Variants in TRAPPC10 observed in about 807,000 individuals in gnomAD.
TRAPPC10 encodes TRAPP 130 kDa subunit.
TRAPPC10 carries 23 observed loss-of-function variants against 125.5 expected under a neutral mutation model. The observed-to-expected ratio is 0.18, with a 90% CI of 0.13 to 0.26. The LOEUF (loss-of-function observed/expected upper bound fraction) is 0.26, where lower values mean the gene tolerates loss of function less well. Among genes scored for constraint, TRAPPC10 ranks in the 10% least tolerant of loss-of-function variants. The pLI is 1.00. For synonymous variants in TRAPPC10, 509 were observed against 518.0 expected, an observed-to-expected ratio of 0.98 and a Z score of 0.24; for missense variants, 1,123 against 1,308.4, an observed-to-expected ratio of 0.86 and a Z score of 2.19.
rs758573613 is a variant in TRAPPC10 at position 44,063,729 on chromosome 21, G to A, written c.982G>A (p.Ala328Thr). ...LLFLQRPWEV[A>T]QRALELLHNC... The stretch of plus-strand genomic sequence containing the variant: ...CTTCCTGCAGAGGCCGTGGGAGGTG[G>A]CCCAGCGCGCCCTAGAGCTGCTGCA... The change falls in exon 7 of 23, where the codon GCC becomes ACC. Residue 328 changes from alanine (A) to threonine (T), a missense_variant. Physicochemically the swap from Ala to Thr is moderately conservative, Grantham distance 58. This residue lies in a region of TRAPPC10 where 91 missense variants were observed against 127.1 expected (regional missense o/e 0.72). Transcript: ENST00000291574. This position sits in a 1 kb window ranked among gnomAD's most constrained non-coding sequence, Gnocchi z 4.4. The A allele has an allele frequency of 1.2e-6, 2 of 1,614,012 alleles. No individual in the cohort carries two copies. Among genetic ancestry groups the A allele is most frequent in the South Asian group, 2.2e-5 (2 of 91,082 alleles).
intron 1 of TRAPPC10, among the ~76,000 whole-genome samples, chr21:44,023,690 C>G (rs757743603): frequency 6.6e-6 from 1 of 152,240 alleles, no homozygotes; most frequent in Non-Finnish European, 1.5e-5. Context: ...AGACCATAGT[C>G]TGCAAGCTTG....
chr21:44,039,410 A>T (rs1386907441), intron 3 of TRAPPC10, among the ~76,000 whole-genome samples: 1 of 152,172 alleles, frequency 6.6e-6, no homozygotes. Context: ...TTTGAGGCAT[A>T]CCAAGATGTT....
rs768529740 is a variant in TRAPPC10 at position 44,092,085 on chromosome 21, A to G, written c.2997+36A>G. The G allele has an allele frequency of 2.5e-6, 4 of 1,610,364 alleles. No homozygotes were observed. The African/African-American group carries it at 4.0e-5, about 16-fold the overall frequency. On this transcript the variant is annotated intron_variant, in intron 19 of 22. Transcript: ENST00000291574. ...TGTAGACCTGAGCATAAACTTCTCAACAGAGAACCAGAGTGTACGGAAATG... is the reference window on the plus strand; with the variant it reads ...TGTAGACCTGAGCATAAACTTCTCAGCAGAGAACCAGAGTGTACGGAAATG...
rs376940493 is a variant in TRAPPC10 at position 44,092,210 on chromosome 21, G to A, written c.2997+161G>A. 1.1e-3 allele frequency among the ~76,000 whole-genome samples: 169 copies of A among 152,360 alleles called. 4 individuals carry two copies. In the South Asian group the frequency reaches 0.033, roughly 30 times the overall value. ...CCTCCGGCTGCCCTGAGGCTGGATCGAGGCTTGCTCCTGAGTAAGCGGGTG... is the reference window on the plus strand; with the variant it reads ...CCTCCGGCTGCCCTGAGGCTGGATCAAGGCTTGCTCCTGAGTAAGCGGGTG... On this transcript the variant is annotated intron_variant, in intron 19 of 22. Transcript: ENST00000291574.
At chr21:44,085,932 GA>G (rs973198032) in intron 15 of TRAPPC10, among the ~76,000 whole-genome samples, 1 of 152,116 alleles carries the variant, frequency 6.6e-6, no homozygotes, top group Non-Finnish European at 1.5e-5. Context: ...CTTCTACGTG[GA>G]AAAAAATCAC....
At chr21:44,012,982 T>C (rs1378586679) in intron 1 of TRAPPC10, among the ~76,000 whole-genome samples, 1 of 152,152 alleles carries the variant, frequency 6.6e-6, no homozygotes, top group African/African-American at 2.4e-5. Flanking sequence ...TACGGGGAAG[T>C]CCTTGGGGGC....
In TRAPPC10 at chr21:44,041,749, C is replaced by T. The variant is rs141034705; in HGVS notation, c.285+3822C>T. On this transcript the variant is annotated intron_variant, in intron 3 of 22. Transcript: ENST00000291574. ...TTATTATTATTATTATTTTTTGAGACGGACTCTCACTCTGTCACTCAGGCT... is the reference window on the plus strand; with the variant it reads ...TTATTATTATTATTATTTTTTGAGATGGACTCTCACTCTGTCACTCAGGCT... Among the ~76,000 whole-genome samples, 552 of 152,040 alleles carry T rather than the reference C, an allele frequency of 3.6e-3. 3 individuals are homozygous for T. The highest frequency in any genetic ancestry group is 6.3e-3 in the Non-Finnish European group (431 of 67,984).
chr21:44,088,430 A>G (rs1247060291), intron 17 of TRAPPC10: 2 of 170,750 alleles, frequency 1.2e-5, no homozygotes, highest in African/African-American at 4.8e-5. Flanking sequence ...TCGCTGCATC[A>G]TGTTACTCAG....
chr21:44,017,714 A>T (rs867038534), intron 1 of TRAPPC10, among the ~76,000 whole-genome samples: 1 of 150,862 alleles, frequency 6.6e-6, no homozygotes, highest in Non-Finnish European at 1.5e-5. Context: ...TGAAGGTCGG[A>T]TTGGACGCTG....
intron 3 of TRAPPC10, among the ~76,000 whole-genome samples, chr21:44,043,516 A>G (rs1024131237): frequency 5.3e-5 from 8 of 152,102 alleles, no homozygotes; most frequent in African/African-American, 1.9e-4. Flanking sequence ...CTGGCCTATT[A>G]CACTTTTATA....
At chr21:44,035,623 C>G (rs555898619) in intron 2 of TRAPPC10, among the ~76,000 whole-genome samples, 1 of 152,036 alleles carries the variant, frequency 6.6e-6, no homozygotes, top group East Asian at 1.9e-4. Context: ...TCTAAAAATA[C>G]AAAATTAGCC....
intron 5 of TRAPPC10, among the ~76,000 whole-genome samples, chr21:44,056,767 A>G (rs1368615972): frequency 1.3e-5 from 2 of 152,116 alleles, no homozygotes; most frequent in African/African-American, 2.4e-5. Context: ...TTGGGGGTCG[A>G]GGGTGGGGTC....
At position 44,059,806 on chromosome 21, in the gene TRAPPC10, C is replaced by CGGCGACCACCGAGA; in HGVS notation, c.790+592_790+593insGGCGACCACCGAGA. The CGGCGACCACCGAGA allele has an allele frequency of 2.8e-6, 1 of 360,792 alleles. No individual in the cohort carries two copies. Among genetic ancestry groups the CGGCGACCACCGAGA allele is most frequent in the South Asian group, 7.7e-5 (1 of 12,964 alleles). The allele number at this position is 360,792 out of a possible 1,614,324, so 22.3% of individuals were successfully genotyped here. A position where few individuals can be genotyped will look rare whatever the true frequency, so the allele number is the denominator to read the frequency against. On this transcript the variant is annotated intron_variant, in intron 6 of 22. Coordinates refer to ENST00000291574, the MANE Select transcript of TRAPPC10 (RefSeq NM_003274.5). The surrounding 1 kb of genome is among the most constrained non-coding windows in gnomAD (Gnocchi z 4.4). ...GTTTCTCTGTCGCTCCTTTTTGTTA[C>CGGCGACCACCGAGA]TCACAGCCCATCCTGGGCATCTCTC...
chr21:44,088,303 G>A (rs1262828759), intron 17 of TRAPPC10: 1 of 231,752 alleles, frequency 4.3e-6, no homozygotes, highest in African/African-American at 2.2e-5. Context: ...AAACTCATAA[G>A]CTCAGCCACG....
At chr21:44,056,472 G>C (rs920056017) in intron 5 of TRAPPC10, among the ~76,000 whole-genome samples, 1 of 152,158 alleles carries the variant, frequency 6.6e-6, no homozygotes, top group Non-Finnish European at 1.5e-5. Flanking sequence ...ACTCCACAGT[G>C]GGGAAACCAG....
chr21:44,025,086 T>A (rs1230294643), intron 1 of TRAPPC10, among the ~76,000 whole-genome samples: 1 of 152,242 alleles, frequency 6.6e-6, no homozygotes, highest in South Asian at 2.1e-4. Context: ...TGTGTTTTAC[T>A]GTTTCCAGTA....
At chr21:44,037,701 C>G in intron 2 of TRAPPC10, 91 bp from the exon 3 acceptor site, 1 of 1,418,318 alleles carries the variant, frequency 7.1e-7, no homozygotes, top group Non-Finnish European at 9.6e-7. Context: ...TGAACTCATG[C>G]ATACCATTAC....
chr21:44,048,793 C>T (rs1253463047), intron 3 of TRAPPC10, among the ~76,000 whole-genome samples: 1 of 146,472 alleles, frequency 6.8e-6, no homozygotes, highest in Non-Finnish European at 1.5e-5. Context: ...CATGCCCACC[C>T]TGTGTTTTTT....
chr21:44,081,410 C>T (rs2037728649), intron 13 of TRAPPC10, among the ~76,000 whole-genome samples: 2 of 152,152 alleles, frequency 1.3e-5, no homozygotes, highest in South Asian at 2.1e-4. Context: ...CTACACACCT[C>T]GGTCTCCCAA....
Sources: gnomAD v4.1 joint callset for allele counts (sites outside exome capture counted in the v4.1 genomes callset) on GRCh38, gnomAD v4.1.1 for gene constraint, gnomAD v4.1.1 regional missense constraint, Gnocchi (gnomAD v3.1) non-coding constraint, MANE v1.5 for transcripts, NCBI Gene and HGNC (gene_info 2026-07-23, HGNC 2026-07-21) for gene names.